Variants in MARCHF1 observed in about 807,000 individuals in gnomAD.
The protein encoded by MARCHF1 is membrane associated ring-CH-type finger 1.
Under a neutral mutation model 54.2 loss-of-function variants are expected in MARCHF1, and 40 were observed. The observed-to-expected ratio is 0.74, with a 90% CI of 0.57 to 0.96. MARCHF1 has a LOEUF of 0.96. Ranked by LOEUF, MARCHF1 falls within the 40% of genes least tolerant of loss-of-function variation. The pLI is 0.00. For synonymous variants in MARCHF1, 236 were observed against 236.3 expected, an observed-to-expected ratio of 1.00 and a Z score of 0.01; for missense variants, 586 against 656.5, an observed-to-expected ratio of 0.89 and a Z score of 1.17.
At chr4:163,551,572 G>A (rs1739107488) in intron 8 of MARCHF1, among the ~76,000 whole-genome samples, 1 of 152,168 alleles carries the variant, frequency 6.6e-6, no homozygotes, top group African/African-American at 2.4e-5. Context: ...ACTCACTGTT[G>A]GACACAAATC....
At chr4:163,822,802 A>G (rs1748732060) in intron 4 of MARCHF1, among the ~76,000 whole-genome samples, 1 of 151,794 alleles carries the variant, frequency 6.6e-6, no homozygotes, top group South Asian at 2.1e-4. Context: ...CTACTGATCT[A>G]TTGGAAAACC....
intron 1 of MARCHF1, among the ~76,000 whole-genome samples, chr4:164,270,191 C>T (rs1331952321): frequency 3.3e-5 from 5 of 152,158 alleles, no homozygotes; most frequent in African/African-American, 1.2e-4. Context: ...ACAAAAACTC[C>T]AGCATTATCC....
chr4:163,776,186 T>C (rs1196607457), intron 4 of MARCHF1, among the ~76,000 whole-genome samples: 1 of 152,116 alleles, frequency 6.6e-6, no homozygotes, highest in African/African-American at 2.4e-5. Context: ...GACATCATTA[T>C]GTAAGTTTTA....
At chr4:164,029,221 C>G (rs1238511936) in intron 2 of MARCHF1, among the ~76,000 whole-genome samples, 3 of 152,116 alleles carry the variant, frequency 2.0e-5, no homozygotes, top group African/African-American at 4.8e-5. Context: ...ACAGGCTATA[C>G]AGGAAGCACA....
chr4:163,955,212 T>TAA (rs574633631), intron 3 of MARCHF1, among the ~76,000 whole-genome samples: 11 of 111,836 alleles, frequency 9.8e-5, no homozygotes, highest in African/African-American at 3.0e-4. Context: ...TACTGAACAT[T>TAA]AAAAAAAAAA....
chr4:163,937,845 T>G (rs1751831961), intron 3 of MARCHF1, among the ~76,000 whole-genome samples: 1 of 152,156 alleles, frequency 6.6e-6, no homozygotes, highest in African/African-American at 2.4e-5. Flanking sequence ...AGAGTTTAAA[T>G]TATAGGAAAT....
intron 8 of MARCHF1, among the ~76,000 whole-genome samples, chr4:163,547,157 G>C (rs773362607): frequency 1.5e-4 from 23 of 152,168 alleles, no homozygotes; most frequent in Non-Finnish European, 2.9e-4. Flanking sequence ...ATAAAGTCCT[G>C]TCTCTGCCAC....
intron 8 of MARCHF1, among the ~76,000 whole-genome samples, chr4:163,556,278 A>G (rs955668941): frequency 2.0e-5 from 3 of 152,184 alleles, no homozygotes; most frequent in South Asian, 2.1e-4. Flanking sequence ...CATCAATAAG[A>G]GATAATAGGT....
chr4:164,152,573 G>T (rs1393644229), intron 1 of MARCHF1, among the ~76,000 whole-genome samples: 2 of 152,098 alleles, frequency 1.3e-5, no homozygotes, highest in African/African-American at 4.8e-5. Flanking sequence ...GCCCTGCAAA[G>T]TCTCTTGGGG....
At chr4:164,003,777 C>G (rs1318331907) in intron 2 of MARCHF1, among the ~76,000 whole-genome samples, 1 of 152,128 alleles carries the variant, frequency 6.6e-6, no homozygotes, top group Non-Finnish European at 1.5e-5. Context: ...CCAGCAATCC[C>G]ATTACTAGGT....
intron 3 of MARCHF1, among the ~76,000 whole-genome samples, chr4:163,967,804 GC>G (rs1276999946): frequency 6.6e-6 from 1 of 152,078 alleles, no homozygotes; most frequent in Non-Finnish European, 1.5e-5. Flanking sequence ...CAGGCTCGAG[GC>G]CCAGGAGAGC....
chr4:164,245,005 A>T lies in MARCHF1; in HGVS notation c.-322-133343T>A, dbSNP rs564307927. Among the ~76,000 whole-genome samples, 235 of 152,258 alleles carry T rather than the reference A, an allele frequency of 1.5e-3. 1 individual carries two copies. The highest frequency in any genetic ancestry group is 4.3e-3 in the Admixed American group (65 of 15,286). ...AAAAAGAGTCCAGGACCAGATGGAT[A>T]CACAGCCGAATTCTACCAGAGGTAC... On this transcript the variant is annotated intron_variant, in intron 1 of 9. Transcript: ENST00000514618.
At chr4:164,238,574 AAG>A (rs1262795616) in intron 1 of MARCHF1, among the ~76,000 whole-genome samples, 1 of 152,000 alleles carries the variant, frequency 6.6e-6, no homozygotes, top group Non-Finnish European at 1.5e-5. Context: ...ATTATCTAAA[AAG>A]TAAGAGATAA....
intron 9 of MARCHF1, among the ~76,000 whole-genome samples, chr4:163,536,242 CATTTTTAGGGAAATTCT>C (rs1414657064): frequency 3.9e-5 from 6 of 152,090 alleles, no homozygotes; most frequent in Non-Finnish European, 7.4e-5. Context: ...CTTTATTTCC[CATTTTTAGGGAAATTCT>C]CATGGACTAC....
At chr4:163,880,374 CCTT>C (rs1750389319) in intron 3 of MARCHF1, among the ~76,000 whole-genome samples, 1 of 150,150 alleles carries the variant, frequency 6.7e-6, no homozygotes, top group South Asian at 2.1e-4. Flanking sequence ...TTTATAATTG[CCTT>C]CTAATTATAA....
intron 3 of MARCHF1, among the ~76,000 whole-genome samples, chr4:163,912,256 T>C (rs1751207060): frequency 6.6e-6 from 1 of 152,108 alleles, no homozygotes; most frequent in Non-Finnish European, 1.5e-5. Context: ...TAATTAGTAT[T>C]TTGTGCTGGG....
chr4:164,256,309 A>G (rs17044811), intron 1 of MARCHF1, among the ~76,000 whole-genome samples: 17,592 of 151,332 alleles, frequency 0.12, 1,611 homozygotes, highest in African/African-American at 0.25. Flanking sequence ...AAATGATATC[A>G]CTGTTTTCCA....
At chr4:163,767,568 T>G (rs1747022486) in intron 4 of MARCHF1, among the ~76,000 whole-genome samples, 1 of 152,128 alleles carries the variant, frequency 6.6e-6, no homozygotes, top group African/African-American at 2.4e-5. Flanking sequence ...TCTCCTGACC[T>G]CATGATCCGC....
At chr4:163,940,674 A>C (rs988059069) in intron 3 of MARCHF1, among the ~76,000 whole-genome samples, 6 of 152,108 alleles carry the variant, frequency 3.9e-5, no homozygotes, top group African/African-American at 1.4e-4. Flanking sequence ...TTTATAAAAT[A>C]TTTGTGTGTC....
Sources: allele counts gnomAD v4.1 joint callset (sites outside exome capture counted in the v4.1 genomes callset), GRCh38; gene constraint gnomAD v4.1.1; transcripts MANE v1.5; gene names NCBI Gene and HGNC (gene_info 2026-07-23, HGNC 2026-07-21).